Variants in TMEM132C observed in about 807,000 individuals in gnomAD.
TMEM132C encodes protein phosphatase 1, regulatory subunit 152.
TMEM132C carries 29 observed loss-of-function variants against 61.4 expected under a neutral mutation model. The ratio of observed to expected loss-of-function variants is 0.47; its 90% CI spans 0.35 to 0.64. The LOEUF (loss-of-function observed/expected upper bound fraction) is 0.64, where lower values mean the gene tolerates loss of function less well. TMEM132C is among the 30% of genes least tolerant of loss of function. The pLI is 0.00. For synonymous variants in TMEM132C, 656 were observed against 633.1 expected, an observed-to-expected ratio of 1.04 and a Z score of -0.54; for missense variants, 1,408 against 1,476.9, an observed-to-expected ratio of 0.95 and a Z score of 0.76.
chr12:128,686,634 G>C (rs1375476231), intron 5 of TMEM132C, among the ~76,000 whole-genome samples: 1 of 152,076 alleles, frequency 6.6e-6, no homozygotes, highest in Non-Finnish European at 1.5e-5. Context: ...AAATGTGATG[G>C]GAGGCCACCA....
chr12:128,591,803 G>T (rs572649052), intron 3 of TMEM132C, among the ~76,000 whole-genome samples: 17 of 152,200 alleles, frequency 1.1e-4, no homozygotes, highest in African/African-American at 4.1e-4. Flanking sequence ...TGTAATCCCA[G>T]CACTTTGGGA....
At chr12:128,351,872 G>A (rs1037807536) in intron 1 of TMEM132C, among the ~76,000 whole-genome samples, 5 of 152,174 alleles carry the variant, frequency 3.3e-5, no homozygotes, top group African/African-American at 1.2e-4. Flanking sequence ...AAAGCAGAGC[G>A]ATGTCATACG....
chr12:128,704,221 A>G (rs1954821125), intron 8 of TMEM132C, among the ~76,000 whole-genome samples: 1 of 152,202 alleles, frequency 6.6e-6, no homozygotes, highest in Non-Finnish European at 1.5e-5. Flanking sequence ...CATTACTTTG[A>G]GTAAAATAAG....
At chr12:128,497,307 A>C (rs1327450405) in intron 2 of TMEM132C, among the ~76,000 whole-genome samples, 2 of 152,196 alleles carry the variant, frequency 1.3e-5, no homozygotes, top group Non-Finnish European at 2.9e-5. Context: ...TAGTCTGTCC[A>C]TTCTCAGATC....
rs906701970 is a variant in TMEM132C, at chr12:128,579,631, A to T, written c.1121+35528A>T. On this transcript the variant is annotated intron_variant, in intron 3 of 8. Coordinates refer to ENST00000435159, the MANE Select transcript of TMEM132C (RefSeq NM_001136103.3). The stretch of plus-strand genomic sequence containing the variant: ...CTTCCCAAATATGTTGGATGGCAGA[A>T]CCTCTCCCTGCAGGGGTGATCTACA... 4.6e-5 allele frequency among the ~76,000 whole-genome samples: 7 copies of T among 152,178 alleles called. 1 individual carries two copies. The South Asian group carries it at 1.4e-3, about 31-fold the overall frequency.
At chr12:128,364,556 T>C (rs1873805580) in intron 1 of TMEM132C, among the ~76,000 whole-genome samples, 1 of 152,192 alleles carries the variant, frequency 6.6e-6, no homozygotes, top group African/African-American at 2.4e-5. Context: ...TCTTCCAAAG[T>C]GGCTCCATCC....
rs80238587 is a variant in TMEM132C at position 128,618,063 on chromosome 12, A to G, written c.1305+1728A>G. ...TATGCTCAGTTCTGCCTGTTGGCTC[A>G]TAAACTCTGAAATATTTACTATCTG... On this transcript the variant is annotated intron_variant, in intron 4 of 8. Coordinates refer to ENST00000435159, the MANE Select transcript of TMEM132C (RefSeq NM_001136103.3). 4.1e-4 allele frequency among the ~76,000 whole-genome samples: 62 copies of G among 152,334 alleles called. 1 individual carries two copies. The East Asian group carries it at 9.6e-3, about 24-fold the overall frequency.
At position 128,636,556 on chromosome 12, in the gene TMEM132C, GTTTT is replaced by G. The variant is rs1280547702; in HGVS notation, c.1305+20223_1305+20226del. Among the ~76,000 whole-genome samples the G allele has an allele frequency of 6.6e-3, 802 of 121,250 alleles. 6 individuals carry two copies. Among genetic ancestry groups the G allele is most frequent in the African/African-American group, 0.024 (732 of 30,148 alleles). The allele number at this position is 121,250 out of a possible 152,430, so 79.5% of individuals were successfully genotyped here. On this transcript the variant is annotated intron_variant, in intron 4 of 8. Coordinates refer to ENST00000435159, the MANE Select transcript of TMEM132C (RefSeq NM_001136103.3). ...GGTTTTGTTCTGTTTTGTTTTTTGGGTTTTTGTTTGTGTGTGTGTGTGTGTGTGT... is the reference window on the plus strand; with the variant it reads ...GGTTTTGTTCTGTTTTGTTTTTTGGGTGTTTGTGTGTGTGTGTGTGTGTGT...
At chr12:128,345,556 C>T (rs1228325141) in intron 1 of TMEM132C, among the ~76,000 whole-genome samples, 1 of 152,136 alleles carries the variant, frequency 6.6e-6, no homozygotes, top group Non-Finnish European at 1.5e-5. Flanking sequence ...CTTTCTTCTC[C>T]ACAGTCTCGC....
At position 128,544,123 on chromosome 12, in the gene TMEM132C, C is replaced by A. The variant is rs999699371; in HGVS notation, c.1121+20C>A. 1 of 1,502,138 alleles carries A rather than the reference C, an allele frequency of 6.7e-7. No individual in the cohort carries two copies. The highest frequency in any genetic ancestry group is 8.9e-7 in the Non-Finnish European group (1 of 1,122,806). The allele number at this position is 1,502,138 out of a possible 1,614,324, so 93.1% of individuals were successfully genotyped here. A position where few individuals can be genotyped will look rare whatever the true frequency, so the allele number is the denominator to read the frequency against. ...CAACAGGTAAGCGGTGCCCTCCCTG[C>A]AAGCGTGTGTGGTTCCTGGTCCCGG... On this transcript the variant is annotated intron_variant, in intron 3 of 8. Coordinates refer to ENST00000435159, the MANE Select transcript of TMEM132C (RefSeq NM_001136103.3).
chr12:128,674,745 G>C (rs1228097832), intron 5 of TMEM132C, among the ~76,000 whole-genome samples: 1 of 152,080 alleles, frequency 6.6e-6, no homozygotes, highest in Non-Finnish European at 1.5e-5. Context: ...TTCTTTACTG[G>C]TGATTTGTGA....
In TMEM132C at chr12:128,695,996, A is replaced by G. The variant is rs995972673; in HGVS notation, c.1822A>G (p.Ile608Val). The change falls in exon 7 of 9, where the codon ATC becomes GTC. Residue 608 changes from isoleucine (I) to valine (V), a missense_variant. Physicochemically the swap from Ile to Val is conservative, Grantham distance 29 (BLOSUM62 3). Transcript: ENST00000435159. ...GCTTAGTCCTAACTGGCAGTTCGAC[A>G]TCACTCACCTGGTGGCAGACTTCAT... ...YLLSPNWQFDITHLVADFMKL... is the reference protein window; with the variant it reads ...YLLSPNWQFDVTHLVADFMKL... 1 of 1,551,796 alleles carries G rather than the reference A, an allele frequency of 6.4e-7. No homozygotes were observed. Among genetic ancestry groups the G allele is most frequent in the South Asian group, 1.2e-5 (1 of 84,058 alleles).
At chr12:128,572,563 T>C (rs1454019908) in intron 3 of TMEM132C, among the ~76,000 whole-genome samples, 1 of 144,706 alleles carries the variant, frequency 6.9e-6, no homozygotes, top group Non-Finnish European at 1.5e-5. Flanking sequence ...ACTTGTGGCG[T>C]CTGCTGATTT....
At chr12:128,459,181 C>T (rs1870445239) in intron 2 of TMEM132C, among the ~76,000 whole-genome samples, 1 of 152,208 alleles carries the variant, frequency 6.6e-6, no homozygotes, top group Non-Finnish European at 1.5e-5. Context: ...GGTAAGCATT[C>T]TCTGCATACC....
At chr12:128,459,130 C>T (rs1870443346) in intron 2 of TMEM132C, among the ~76,000 whole-genome samples, 1 of 152,190 alleles carries the variant, frequency 6.6e-6, no homozygotes, top group Admixed American at 6.5e-5. Context: ...AAGACTGGAC[C>T]AGCAGCCCCT....
chr12:128,597,345 G>C (rs112356230), intron 3 of TMEM132C, among the ~76,000 whole-genome samples: 6 of 152,082 alleles, frequency 3.9e-5, no homozygotes, highest in Non-Finnish European at 8.8e-5. Context: ...GGGTATGGTG[G>C]CACACACCAG....
intron 4 of TMEM132C, among the ~76,000 whole-genome samples, chr12:128,629,551 G>A (rs1046128478): frequency 1.3e-5 from 2 of 152,190 alleles, no homozygotes; most frequent in African/African-American, 4.8e-5. Flanking sequence ...AGAGCAGAAT[G>A]GTGGCTGCCT....
chr12:128,279,326 G>T (rs543380659), intron 1 of TMEM132C, among the ~76,000 whole-genome samples: 77 of 152,240 alleles, frequency 5.1e-4, no homozygotes, highest in Non-Finnish European at 9.6e-4. Flanking sequence ...TAGAGACAGT[G>T]CTTCCTTACT....
intron 4 of TMEM132C, among the ~76,000 whole-genome samples, chr12:128,622,343 CA>C (rs71069584): frequency 0.022 from 342 of 15,822 alleles, no homozygotes; most frequent in Non-Finnish European, 0.027. Flanking sequence ...GACTTTGTCT[CA>C]AAAAAAAAAA....
Sources: gnomAD v4.1 joint callset for allele counts (sites outside exome capture counted in the v4.1 genomes callset) on GRCh38, gnomAD v4.1.1 for gene constraint, MANE v1.5 for transcripts, NCBI Gene and HGNC (gene_info 2026-07-23, HGNC 2026-07-21) for gene names.